SIM1: variants seen among roughly 807,000 people sequenced by gnomAD.
SIM1 encodes single-minded homolog 1.
In SIM1, 18 loss-of-function variants were observed where a neutral mutation model predicts 78.2. That is an observed-to-expected ratio of 0.23 (90% CI 0.16 to 0.34). The LOEUF (loss-of-function observed/expected upper bound fraction) is 0.34. Among genes scored for constraint, SIM1 ranks in the 10% least tolerant of loss-of-function variants. The pLI is 1.00. For missense variants in SIM1, 939 were observed against 975.1 expected, an observed-to-expected ratio of 0.96 and a Z score of 0.49; for synonymous variants, 417 against 385.2, an observed-to-expected ratio of 1.08 and a Z score of -0.97.
intron 2 of SIM1, among the ~76,000 whole-genome samples, chr6:100,457,784 C>T (rs1309118309): frequency 6.6e-6 from 1 of 152,190 alleles, no homozygotes; most frequent in Non-Finnish European, 1.5e-5. Flanking sequence ...GGCTAAGGAG[C>T]CTGTGTGGTT....
rs752011491 is a variant in SIM1, at chr6:100,420,962, C to T, written c.999-4G>A. 1.9e-6 allele frequency: 3 copies of T among 1,612,346 alleles called. No individual in the cohort carries two copies. The Admixed American group carries it at 5.0e-5, about 27-fold the overall frequency. ...CAGCCCTTTGTATTCTGTGTCTCTG[C>T]AGGGTGGGAGGACAAAGCCCTTAAT... On this transcript the variant is annotated splice_polypyrimidine_tract_variant and splice_region_variant and intron_variant, in intron 9 of 11. Coordinates refer to ENST00000369208, the MANE Select transcript of SIM1 (RefSeq NM_005068.3).
Position 100,389,659 on chromosome 6 carries a change from C to A in SIM1, c.*702G>T, listed in dbSNP as rs895147205. The A allele has an allele frequency of 7.5e-6, 3 of 398,844 alleles. No homozygotes were observed. Among genetic ancestry groups the A allele is most frequent in the African/African-American group, 2.1e-5 (1 of 48,620 alleles). 24.7% of individuals were successfully genotyped at this position (398,844 alleles called of 1,614,324 possible). On this transcript the variant is annotated 3_prime_UTR_variant, in exon 12 of 12. Transcript: ENST00000369208. ...TGTTCTTACTTAGAAAAACCCTCAG[C>A]GCCATGTCAGTGCAATCCTGGTCCT... is the stretch of plus-strand genomic sequence containing the variant.
intron 10 of SIM1, among the ~76,000 whole-genome samples, chr6:100,394,384 C>T (rs1770720300): frequency 6.6e-6 from 1 of 152,114 alleles, no homozygotes; most frequent in South Asian, 2.1e-4. Flanking sequence ...AAGTAAGTTC[C>T]ATATTTTATT....
At chr6:100,437,340 C>T (rs1772082202) in intron 9 of SIM1, 1 of 152,168 alleles carries the variant, frequency 6.6e-6, no homozygotes, top group Admixed American at 6.5e-5. Flanking sequence ...AAATGAGACT[C>T]TCTGACCCTG....
intron 7 of SIM1, 85 bp downstream of exon 7, chr6:100,448,394 C>A: frequency 6.8e-7 from 1 of 1,463,054 alleles, no homozygotes; most frequent in South Asian, 1.2e-5. Context: ...GCAAAATGGG[C>A]TCATAGGATA....
At chr6:100,415,284 A>C (rs1018967106) in intron 10 of SIM1, among the ~76,000 whole-genome samples, 2 of 152,242 alleles carry the variant, frequency 1.3e-5, no homozygotes, top group Non-Finnish European at 2.9e-5. Flanking sequence ...AAAATAGAAA[A>C]TATTGCAGCA....
intron 10 of SIM1, among the ~76,000 whole-genome samples, chr6:100,417,290 C>T (rs1771428155): frequency 6.6e-6 from 1 of 152,206 alleles, no homozygotes; most frequent in Admixed American, 6.5e-5. Context: ...CCTTTGTATA[C>T]ACCATCTCCT....
intron 10 of SIM1, among the ~76,000 whole-genome samples, chr6:100,407,953 T>C (rs1771092355): frequency 6.6e-6 from 1 of 152,184 alleles, no homozygotes; most frequent in Non-Finnish European, 1.5e-5. Context: ...ATTATATTGT[T>C]TATTTTGCTA....
At chr6:100,462,378 GTA>G (rs934531335) in intron 2 of SIM1, among the ~76,000 whole-genome samples, 1 of 152,176 alleles carries the variant, frequency 6.6e-6, no homozygotes, top group African/African-American at 2.4e-5. Context: ...TTGAATCCAA[GTA>G]AAGGAAAAGA....
chr6:100,448,569 G>A lies in SIM1; in HGVS notation c.653C>T (p.Pro218Leu), dbSNP rs770333535. The change falls in exon 7 of 12, where the codon CCT (proline) becomes CTT (leucine). Residue 218 changes from proline (P) to leucine (L), a missense_variant. Pro to Leu is a moderately conservative substitution (Grantham distance 98). Coordinates refer to ENST00000369208, the MANE Select transcript of SIM1 (RefSeq NM_005068.3). ...CTTGATCTCCGTGACGGCGCTGGGA[G>A]GCAGCGAGTGGCCCACGGCCACCAG... is the stretch of plus-strand genomic sequence containing the variant. ...VGLVAVGHSL[P>L]PSAVTEIKLH... The A allele has an allele frequency of 5.0e-6, 8 of 1,614,042 alleles. No homozygotes were observed. Among genetic ancestry groups the A allele is most frequent in the Non-Finnish European group, 5.9e-6 (7 of 1,180,058 alleles).
chr6:100,453,733 A>G (rs894001254), intron 3 of SIM1, 29 bp downstream of exon 3: 1 of 1,565,774 alleles, frequency 6.4e-7, no homozygotes, highest in African/African-American at 1.4e-5. Flanking sequence ...CTCAAAGCTT[A>G]TGTGTTGCCG....
chr6:100,396,745 T>C (rs1036276571), intron 10 of SIM1, among the ~76,000 whole-genome samples: 97 of 152,194 alleles, frequency 6.4e-4, no homozygotes, highest in Non-Finnish European at 1.5e-4. Context: ...CTGCACTTGA[T>C]GTAAACTCTG....
chr6:100,421,818 A>G (rs150828729), intron 9 of SIM1, among the ~76,000 whole-genome samples: 2 of 152,330 alleles, frequency 1.3e-5, no homozygotes, highest in East Asian at 1.9e-4. Flanking sequence ...ATAAGAGGAT[A>G]TTAACCCTTT....
intron 9 of SIM1, among the ~76,000 whole-genome samples, chr6:100,442,327 C>A (rs1006581662): frequency 1.3e-5 from 2 of 152,132 alleles, no homozygotes; most frequent in East Asian, 1.9e-4. Flanking sequence ...GACTAAATCT[C>A]CCAGCTCTTC....
At chr6:100,429,143 T>C (rs1771822821) in intron 9 of SIM1, among the ~76,000 whole-genome samples, 1 of 152,060 alleles carries the variant, frequency 6.6e-6, no homozygotes. Context: ...CCAAGGCAGG[T>C]GGATCACTTG....
At chr6:100,456,052 CCCGCCA>C (rs1411884402) in intron 2 of SIM1, among the ~76,000 whole-genome samples, 2 of 152,134 alleles carry the variant, frequency 1.3e-5, no homozygotes, top group East Asian at 3.9e-4. Context: ...CTGCCCCACC[CCCGCCA>C]CCTTTTAAGG....
At chr6:100,437,640 T>C (rs1772091433) in intron 9 of SIM1, among the ~76,000 whole-genome samples, 2 of 152,316 alleles carry the variant, frequency 1.3e-5, no homozygotes, top group African/African-American at 2.4e-5. Context: ...TCAGTACCAA[T>C]TTGGGAAAGG....
chr6:100,444,130 A>G (rs531925135), intron 9 of SIM1, among the ~76,000 whole-genome samples: 4 of 152,222 alleles, frequency 2.6e-5, no homozygotes, highest in African/African-American at 7.2e-5. Context: ...TACATTAAAA[A>G]CTAAAGCTTT....
intron 1 of SIM1, 68 bp downstream of exon 1, chr6:100,464,546 C>T (rs922194685): frequency 1.3e-5 from 2 of 152,120 alleles, no homozygotes; most frequent in African/African-American, 4.8e-5. Flanking sequence ...GGCGCCGCGG[C>T]CTCTCCCACA....
Sources: allele counts gnomAD v4.1 joint callset (sites outside exome capture counted in the v4.1 genomes callset), GRCh38; gene constraint gnomAD v4.1.1; transcripts MANE v1.5; gene names NCBI Gene and HGNC (gene_info 2026-07-23, HGNC 2026-07-21).